The following BICC1 variants were observed in gnomAD, a reference collection of about 807,000 sequenced individuals.
The protein encoded by BICC1 is protein bicaudal C homolog 1.
In BICC1, 43 loss-of-function variants were observed where a neutral mutation model predicts 111.0. That is an observed-to-expected ratio of 0.39 (90% CI 0.30 to 0.50). BICC1 has a LOEUF of 0.50. Ranked by LOEUF, BICC1 falls within the 20% of genes least tolerant of loss-of-function variation. The pLI, the probability that BICC1 is intolerant of heterozygous loss-of-function variation, is 0.88. For missense variants in BICC1, 1,091 were observed against 1,203.2 expected, an observed-to-expected ratio of 0.91 and a Z score of 1.38; for synonymous variants, 467 against 434.4, an observed-to-expected ratio of 1.07 and a Z score of -0.93.
intron 1 of BICC1, among the ~76,000 whole-genome samples, chr10:58,579,501 G>A (rs867443271): frequency 7.9e-5 from 12 of 152,208 alleles, no homozygotes; most frequent in South Asian, 6.2e-4. Context: ...ATCAGATCCC[G>A]GAGCCACGCC....
At chr10:58,730,926 A>C (rs1006354138) in intron 3 of BICC1, among the ~76,000 whole-genome samples, 1 of 152,164 alleles carries the variant, frequency 6.6e-6, no homozygotes, top group Non-Finnish European at 1.5e-5. Context: ...AAATTCCTGC[A>C]GCCTGCTTGA....
intron 2 of BICC1, among the ~76,000 whole-genome samples, chr10:58,652,643 A>C (rs1204294721): frequency 2.6e-5 from 4 of 152,114 alleles, no homozygotes; most frequent in African/African-American, 9.7e-5. Flanking sequence ...TTGTTGCCTT[A>C]CCTTGGAATT....
At chr10:58,546,468 T>G (rs186962576) in intron 1 of BICC1, among the ~76,000 whole-genome samples, 140 of 152,326 alleles carry the variant, frequency 9.2e-4, no homozygotes, top group Non-Finnish European at 1.7e-3. Context: ...CTAGTTCAGA[T>G]TACGAAAAAT....
chr10:58,769,309 T>C (rs12267252), intron 3 of BICC1, among the ~76,000 whole-genome samples: 2,569 of 131,398 alleles, frequency 0.02, 63 homozygotes, highest in African/African-American at 0.07. Flanking sequence ...CACACACACA[T>C]GCACACGCAC....
chr10:58,758,820 G>A (rs370132379), intron 3 of BICC1, among the ~76,000 whole-genome samples: 14 of 151,946 alleles, frequency 9.2e-5, no homozygotes, highest in Admixed American at 9.2e-4. Context: ...ATCAGAAAAT[G>A]GAATTAAAAT....
intron 1 of BICC1, among the ~76,000 whole-genome samples, chr10:58,573,722 G>A (rs1002173629): frequency 2.6e-5 from 4 of 152,082 alleles, no homozygotes; most frequent in African/African-American, 9.7e-5. Context: ...TCTGTCCTTA[G>A]GGTACTCTAA....
At chr10:58,717,792 T>C (rs1238441464) in intron 3 of BICC1, among the ~76,000 whole-genome samples, 3 of 152,172 alleles carry the variant, frequency 2.0e-5, no homozygotes, top group African/African-American at 4.8e-5. Flanking sequence ...AACTTTAATA[T>C]TTTTTAGGAT....
chr10:58,631,948 T>C (rs533706408), intron 2 of BICC1, among the ~76,000 whole-genome samples: 2 of 152,140 alleles, frequency 1.3e-5, no homozygotes, highest in South Asian at 4.1e-4. Flanking sequence ...TGTAAATCAG[T>C]AGGAGGTGCT....
intron 3 of BICC1, among the ~76,000 whole-genome samples, chr10:58,727,569 A>G (rs1841147047): frequency 6.6e-6 from 1 of 151,990 alleles, no homozygotes; most frequent in Admixed American, 6.6e-5. Context: ...CCTGGGTAAC[A>G]GAGCAAGATG....
chr10:58,616,777 T>C (rs1329325764), intron 1 of BICC1, among the ~76,000 whole-genome samples: 1 of 152,260 alleles, frequency 6.6e-6, no homozygotes, highest in Non-Finnish European at 1.5e-5. Context: ...AGGAGCAGTT[T>C]GCCTTCATGG....
chr10:58,720,369 T>G (rs1479513635), intron 3 of BICC1, among the ~76,000 whole-genome samples: 1 of 152,180 alleles, frequency 6.6e-6, no homozygotes. Context: ...GAAAGAAACA[T>G]TTATCTCAGT....
intron 1 of BICC1, among the ~76,000 whole-genome samples, chr10:58,595,897 A>C (rs925727447): frequency 6.6e-6 from 1 of 152,142 alleles, no homozygotes; most frequent in African/African-American, 2.4e-5. Flanking sequence ...GACATGAAAA[A>C]CTCTTTAAAA....
At chr10:58,673,167 A>G (rs562015563) in intron 2 of BICC1, among the ~76,000 whole-genome samples, 1 of 152,324 alleles carries the variant, frequency 6.6e-6, no homozygotes, top group African/African-American at 2.4e-5. Flanking sequence ...TTCTTTGAAT[A>G]TTACTAATAA....
At chr10:58,590,074 T>C (rs986586605) in intron 1 of BICC1, among the ~76,000 whole-genome samples, 1 of 152,186 alleles carries the variant, frequency 6.6e-6, no homozygotes, top group Admixed American at 6.5e-5. Flanking sequence ...CTATCATCAG[T>C]CCAGTGGGGT....
intron 3 of BICC1, among the ~76,000 whole-genome samples, chr10:58,721,168 T>G (rs553389158): frequency 6.6e-6 from 1 of 152,326 alleles, no homozygotes; most frequent in East Asian, 1.9e-4. Flanking sequence ...AGCACATTAT[T>G]TATGTCTTTT....
At chr10:58,815,919 CAG>C (rs1320270632) in intron 18 of BICC1, among the ~76,000 whole-genome samples, 5 of 152,080 alleles carry the variant, frequency 3.3e-5, no homozygotes, top group Admixed American at 2.6e-4. Context: ...TGTGTACTGA[CAG>C]AGCATTTTCA....
At chr10:58,652,522 C>T (rs1838483620) in intron 2 of BICC1, among the ~76,000 whole-genome samples, 1 of 152,080 alleles carries the variant, frequency 6.6e-6, no homozygotes, top group Non-Finnish European at 1.5e-5. Flanking sequence ...GCTCATAGTT[C>T]TCTTCTTGGT....
intron 1 of BICC1, among the ~76,000 whole-genome samples, chr10:58,604,525 G>A (rs1018520154): frequency 7.9e-5 from 12 of 152,084 alleles, no homozygotes; most frequent in Middle Eastern, 3.2e-3. Context: ...GCCAGGAGTG[G>A]TGGCGGGCGC....
upstream of BICC1, among the ~76,000 whole-genome samples, chr10:58,512,819 G>T (rs1842124316): frequency 6.7e-6 from 1 of 150,040 alleles, no homozygotes; most frequent in Non-Finnish European, 1.5e-5. Flanking sequence ...GGCGGCGGGC[G>T]GGGAGGGGGC....
Sources: gnomAD v4.1 joint callset for allele counts (sites outside exome capture counted in the v4.1 genomes callset) on GRCh38, gnomAD v4.1.1 for gene constraint, MANE v1.5 for transcripts, NCBI Gene and HGNC (gene_info 2026-07-23, HGNC 2026-07-21) for gene names.